Variants in RTF1 observed in about 807,000 individuals in gnomAD.
RTF1 encodes RNA polymerase-associated protein RTF1 homolog.
Under a neutral mutation model 95.7 loss-of-function variants are expected in RTF1, and 10 were observed. The ratio of observed to expected loss-of-function variants is 0.10; its 90% CI spans 0.06 to 0.18. The LOEUF (loss-of-function observed/expected upper bound fraction) is 0.18. RTF1 is among the 10% of genes least tolerant of loss of function. RTF1 has a pLI of 1.00. For synonymous variants in RTF1, 305 were observed against 311.8 expected, an observed-to-expected ratio of 0.98 and a Z score of 0.23; for missense variants, 458 against 875.6, an observed-to-expected ratio of 0.52 and a Z score of 6.02.
chr15:41,476,939 C>A (rs1385381389), intron 12 of RTF1, among the ~76,000 whole-genome samples: 1 of 152,210 alleles, frequency 6.6e-6, no homozygotes, highest in Middle Eastern at 3.2e-3. Context: ...CACCAGGGAC[C>A]CACAGCCAGG....
chr15:41,480,399 C>T, intron 17 of RTF1, 74 bp downstream of exon 17: 3 of 1,163,402 alleles, frequency 2.6e-6, no homozygotes, highest in Non-Finnish European at 3.9e-6. Flanking sequence ...AACAAGGAAG[C>T]CCACTTTTAG....
chr15:41,474,853 A>G (rs1378966159), intron 9 of RTF1, 151 bp downstream of exon 9: 5 of 671,614 alleles, frequency 7.4e-6, no homozygotes, highest in African/African-American at 5.4e-5. Context: ...CTTGTATTCC[A>G]TCTTTGTCTA....
chr15:41,445,734 ATTTTTT>A (rs66494134), intron 2 of RTF1, among the ~76,000 whole-genome samples: 1 of 132,050 alleles, frequency 7.6e-6, no homozygotes, highest in African/African-American at 2.8e-5. Context: ...TCCTGACCCC[ATTTTTT>A]TTTTTTTTTT....
chr15:41,436,800 A>G (rs1036546621), intron 1 of RTF1, among the ~76,000 whole-genome samples: 29 of 151,826 alleles, frequency 1.9e-4, no homozygotes, highest in African/African-American at 7.0e-4. Flanking sequence ...TCTCAAAAAC[A>G]ATAAGAGACC....
At chr15:41,463,063 TTATA>T (rs2050859533) in intron 4 of RTF1, among the ~76,000 whole-genome samples, 1 of 152,238 alleles carries the variant, frequency 6.6e-6, no homozygotes, top group Non-Finnish European at 1.5e-5. Context: ...CCTGGATATT[TTATA>T]TAAATGAAAT....
chr15:41,443,486 C>T (rs2050745638), intron 2 of RTF1, among the ~76,000 whole-genome samples: 1 of 152,076 alleles, frequency 6.6e-6, no homozygotes, highest in Non-Finnish European at 1.5e-5. Flanking sequence ...ACTTCCTCTC[C>T]TTGAAAGCAT....
At chr15:41,475,442 G>T (rs1427551179) in intron 9 of RTF1, 83 bp from the exon 10 acceptor site, 2 of 1,021,666 alleles carry the variant, frequency 2.0e-6, no homozygotes, top group Non-Finnish European at 3.1e-6. Context: ...ATATATAGGT[G>T]GTACATAGTC....
intron 2 of RTF1, among the ~76,000 whole-genome samples, chr15:41,447,773 C>T (rs868060499): frequency 2.6e-5 from 4 of 151,992 alleles, no homozygotes; most frequent in Admixed American, 1.3e-4. Flanking sequence ...AGATGCACAC[C>T]GGTGGGTGCT....
rs1384877274 is a variant in RTF1, at chr15:41,475,628, T to C, written c.1374+16T>C. ...GAAAGAAGCGGTACGTGGCTAGAGA[T>C]TACCTAGCAGTTGTTCGTGCACGTT... On this transcript the variant is annotated intron_variant, in intron 10 of 17. Coordinates refer to ENST00000389629, the MANE Select transcript of RTF1 (RefSeq NM_015138.5). 5 of 1,604,422 alleles carry C rather than the reference T, an allele frequency of 3.1e-6. 1 individual carries two copies. The highest frequency in any genetic ancestry group is 1.7e-5 in the Admixed American group (1 of 59,974).
intron 1 of RTF1, among the ~76,000 whole-genome samples, chr15:41,424,187 C>CAG (rs1186477858): frequency 6.6e-6 from 1 of 152,096 alleles, no homozygotes; most frequent in African/African-American, 2.4e-5. Context: ...GGAGATTGCT[C>CAG]AGAGAGAGTA....
chr15:41,451,694 C>T (rs1309377801), intron 2 of RTF1, among the ~76,000 whole-genome samples: 1 of 152,188 alleles, frequency 6.6e-6, no homozygotes, highest in African/African-American at 2.4e-5. Context: ...TGGCCTTCAT[C>T]CTTTCTCACT....
At chr15:41,463,574 T>TC (rs1340525083) in intron 4 of RTF1, among the ~76,000 whole-genome samples, 1 of 151,918 alleles carries the variant, frequency 6.6e-6, no homozygotes, top group Non-Finnish European at 1.5e-5. Flanking sequence ...CTCAATCTCC[T>TC]GGGCTCAAGC....
At chr15:41,424,439 A>G (rs2050618530) in intron 1 of RTF1, among the ~76,000 whole-genome samples, 1 of 152,216 alleles carries the variant, frequency 6.6e-6, no homozygotes, top group African/African-American at 2.4e-5. Context: ...TGAAACTGAA[A>G]GAAGCACAGA....
chr15:41,480,178 A>G, intron 16 of RTF1, 36 bp from the exon 17 acceptor site: 1 of 1,338,326 alleles, frequency 7.5e-7, no homozygotes, highest in Non-Finnish European at 1.1e-6. Flanking sequence ...ACTTGCATTT[A>G]TGCTCTTACC....
chr15:41,431,213 T>C (rs186505962), intron 1 of RTF1, among the ~76,000 whole-genome samples: 2 of 148,468 alleles, frequency 1.3e-5, no homozygotes, highest in East Asian at 4.1e-4. Context: ...GGGTTTTTCT[T>C]TTTTCTTTTT....
chr15:41,469,575 G>C lies in RTF1; in HGVS notation c.890-682G>C, dbSNP rs548079933. 1.3e-4 allele frequency among the ~76,000 whole-genome samples: 20 copies of C among 150,626 alleles called. No individual in the cohort carries two copies. In the East Asian group the frequency reaches 3.9e-3, roughly 30 times the overall value. On this transcript the variant is annotated intron_variant, in intron 6 of 17. Coordinates refer to ENST00000389629, the MANE Select transcript of RTF1 (RefSeq NM_015138.5). Reference sequence around the variant, plus strand: ...GTCTCGCTCTGTTGCCCAGGCTGGAGTGCAGTGGTATACAGTCTTGGCTCA... The same window carrying C: ...GTCTCGCTCTGTTGCCCAGGCTGGACTGCAGTGGTATACAGTCTTGGCTCA...
At position 41,470,238 on chromosome 15, in the gene RTF1, ATCTCT is replaced by A. The variant is rs2140650839; in HGVS notation, c.890-15_890-11del. ...TCTTGTTGAGAAAACCTAGGTAAACATCTCTTCTTTCTTTCTAGCTGAGCTCCTTG... is the reference window on the plus strand; with the variant it reads ...TCTTGTTGAGAAAACCTAGGTAAACATCTTTCTTTCTAGCTGAGCTCCTTG... On this transcript the variant is annotated splice_polypyrimidine_tract_variant and intron_variant, in intron 6 of 17. Transcript: ENST00000389629. 1.2e-6 allele frequency: 2 copies of A among 1,605,948 alleles called. No individual in the cohort carries two copies. The highest frequency in any genetic ancestry group is 1.1e-5 in the South Asian group (1 of 90,458).
chr15:41,435,658 A>T (rs953482426), intron 1 of RTF1, among the ~76,000 whole-genome samples: 1 of 152,146 alleles, frequency 6.6e-6, no homozygotes, highest in Non-Finnish European at 1.5e-5. Context: ...TCAACAAGAG[A>T]GTCAGTTGTT....
At chr15:41,437,562 G>A (rs962207286) in intron 1 of RTF1, among the ~76,000 whole-genome samples, 1 of 152,142 alleles carries the variant, frequency 6.6e-6, no homozygotes, top group South Asian at 2.1e-4. Flanking sequence ...ACTGGTATTG[G>A]TATTAGCAGA....
Sources: allele counts gnomAD v4.1 joint callset (sites outside exome capture counted in the v4.1 genomes callset), GRCh38; gene constraint gnomAD v4.1.1; transcripts MANE v1.5; gene names NCBI Gene and HGNC (gene_info 2026-07-23, HGNC 2026-07-21).